CTNND2: variants seen among roughly 807,000 people sequenced by gnomAD.
CTNND2 encodes the protein catenin delta-2.
In CTNND2, 22 loss-of-function variants were observed where a neutral mutation model predicts 144.4. The ratio of observed to expected loss-of-function variants is 0.15; its 90% CI spans 0.11 to 0.22. CTNND2 has a LOEUF of 0.22. Ranked by LOEUF, CTNND2 falls within the 10% of genes least tolerant of loss-of-function variation. The pLI is 1.00. For synonymous variants in CTNND2, 751 were observed against 695.6 expected (o/e 1.08, Z -1.25); for missense variants, 1,353 against 1,618.8 (o/e 0.84, Z 2.82).
intron 10 of CTNND2, among the ~76,000 whole-genome samples, chr5:11,215,120 T>C (rs770023450): frequency 3.3e-5 from 5 of 152,212 alleles, no homozygotes; most frequent in Non-Finnish European, 7.3e-5. Flanking sequence ...CAGTTTTGAC[T>C]ACTGACTTTG....
chr5:11,393,017 C>T (rs1040813119), intron 6 of CTNND2, among the ~76,000 whole-genome samples: 10 of 152,128 alleles, frequency 6.6e-5, no homozygotes, highest in East Asian at 1.9e-4. Context: ...CACATCCACC[C>T]GCATGAGTGT....
rs943338891 is a variant in CTNND2, at chr5:11,452,880, A to G, written c.288-40811T>C. The stretch of plus-strand genomic sequence containing the variant: ...GTTTGCGATCTATCCTAATATATGT[A>G]TATGACACTGATCAATTGTAGGGTG... On this transcript the variant is annotated intron_variant, in intron 3 of 21. Transcript: ENST00000304623. 7.9e-5 allele frequency among the ~76,000 whole-genome samples: 12 copies of G among 152,358 alleles called. 1 individual carries two copies. The Middle Eastern group carries it at 0.01, about 130-fold the overall frequency.
At chr5:11,050,768 C>G (rs1275163182) in intron 16 of CTNND2, among the ~76,000 whole-genome samples, 1 of 152,134 alleles carries the variant, frequency 6.6e-6, no homozygotes, top group Admixed American at 6.5e-5. Context: ...CCCAGATGGC[C>G]AGGACGTGAT....
At chr5:11,769,228 C>T (rs10070744) in intron 1 of CTNND2, among the ~76,000 whole-genome samples, 1 of 152,112 alleles carries the variant, frequency 6.6e-6, no homozygotes, top group Non-Finnish European at 1.5e-5. Flanking sequence ...CACAGTGAGG[C>T]TGAATCTCCA....
At chr5:11,816,664 GA>G (rs1385625136) in intron 1 of CTNND2, among the ~76,000 whole-genome samples, 5 of 1,528 alleles carry the variant, frequency 3.3e-3, no homozygotes, top group African/African-American at 4.3e-3. Context: ...AGAGAGAGAG[GA>G]GGAGAGAGAG....
chr5:11,403,177 A>T (rs913067346), intron 5 of CTNND2, among the ~76,000 whole-genome samples: 1 of 152,076 alleles, frequency 6.6e-6, no homozygotes, highest in Non-Finnish European at 1.5e-5. Context: ...TGCATTAGAT[A>T]TATGTCCTGA....
chr5:11,517,574 T>C (rs867982205), intron 3 of CTNND2, among the ~76,000 whole-genome samples: 1 of 151,964 alleles, frequency 6.6e-6, no homozygotes, highest in African/African-American at 2.4e-5. Flanking sequence ...CCTCACATAG[T>C]TAACATTTTC....
intron 3 of CTNND2, among the ~76,000 whole-genome samples, chr5:11,474,524 C>G (rs1251612398): frequency 1.3e-5 from 2 of 152,106 alleles, no homozygotes; most frequent in African/African-American, 2.4e-5. Context: ...TACTTTGACT[C>G]TGGGGCAGCT....
At chr5:11,860,321 T>C (rs1795443942) in intron 1 of CTNND2, among the ~76,000 whole-genome samples, 1 of 152,232 alleles carries the variant, frequency 6.6e-6, no homozygotes, top group Non-Finnish European at 1.5e-5. Context: ...AACTCCGTTC[T>C]TAGTAAATTG....
At chr5:11,081,794 CAG>C (rs1749601626) in intron 16 of CTNND2, among the ~76,000 whole-genome samples, 1 of 152,172 alleles carries the variant, frequency 6.6e-6, no homozygotes, top group African/African-American at 2.4e-5. Context: ...AATCCATAGA[CAG>C]AGAGCAGATT....
intron 1 of CTNND2, among the ~76,000 whole-genome samples, chr5:11,768,558 T>C (rs1789734138): frequency 6.6e-6 from 1 of 152,194 alleles, no homozygotes; most frequent in Admixed American, 6.5e-5. Flanking sequence ...CCCAAAGTGC[T>C]AGGATTATAG....
At chr5:11,787,118 T>C (rs982611497) in intron 1 of CTNND2, among the ~76,000 whole-genome samples, 9 of 152,180 alleles carry the variant, frequency 5.9e-5, no homozygotes, top group African/African-American at 1.9e-4. Context: ...GTGGACAAGT[T>C]ATTAAAGTCC....
At chr5:11,636,031 C>CA (rs70949331) in intron 2 of CTNND2, among the ~76,000 whole-genome samples, 5 of 143,960 alleles carry the variant, frequency 3.5e-5, no homozygotes, top group African/African-American at 7.8e-5. Context: ...TTAATCCCCC[C>CA]CCACCCCCGC....
At chr5:11,048,693 T>C (rs1745529932) in intron 16 of CTNND2, among the ~76,000 whole-genome samples, 1 of 152,236 alleles carries the variant, frequency 6.6e-6, no homozygotes, top group South Asian at 2.1e-4. Flanking sequence ...TATATCCAGC[T>C]AGTGTCATTT....
At chr5:11,013,083 C>T (rs187263745) in intron 18 of CTNND2, among the ~76,000 whole-genome samples, 4 of 152,282 alleles carry the variant, frequency 2.6e-5, no homozygotes, top group East Asian at 1.9e-4. Flanking sequence ...TTAAGCAGGT[C>T]ATAAAACCCT....
intron 2 of CTNND2, among the ~76,000 whole-genome samples, chr5:11,609,942 T>G (rs770631474): frequency 3.0e-4 from 45 of 152,346 alleles, no homozygotes; most frequent in Non-Finnish European, 4.3e-4. Context: ...ATCTTTTAAC[T>G]TACACAATGA....
At chr5:10,994,814 C>G (rs1319899496) in intron 18 of CTNND2, among the ~76,000 whole-genome samples, 1 of 152,072 alleles carries the variant, frequency 6.6e-6, no homozygotes. Context: ...GAGGTCACTC[C>G]CCTGGACAGA....
intron 16 of CTNND2, among the ~76,000 whole-genome samples, chr5:11,034,027 T>C (rs1266226277): frequency 1.3e-5 from 2 of 152,322 alleles, no homozygotes; most frequent in East Asian, 3.9e-4. Flanking sequence ...CCTTTAAGGA[T>C]ATTTGAAGAG....
chr5:11,563,498 A>G (rs1204229858), intron 3 of CTNND2, among the ~76,000 whole-genome samples: 1 of 152,140 alleles, frequency 6.6e-6, no homozygotes, highest in African/African-American at 2.4e-5. Flanking sequence ...TATAAAACCA[A>G]CTTCAAGTGA....
Sources: allele counts gnomAD v4.1 joint callset (sites outside exome capture counted in the v4.1 genomes callset), GRCh38; gene constraint gnomAD v4.1.1; transcripts MANE v1.5; gene names NCBI Gene and HGNC (gene_info 2026-07-23, HGNC 2026-07-21).